SENP6: variants seen among roughly 807,000 people sequenced by gnomAD.
SENP6 encodes the protein SUMO specific peptidase 6, also known as sentrin-specific protease 6.
Under a neutral mutation model 134.5 loss-of-function variants are expected in SENP6, and 41 were observed. That is an observed-to-expected ratio of 0.30 (90% CI 0.24 to 0.40). The LOEUF (loss-of-function observed/expected upper bound fraction) is 0.40, where lower values mean the gene tolerates loss of function less well. SENP6 is among the 10% of genes least tolerant of loss of function. The pLI, the probability that SENP6 is intolerant of heterozygous loss-of-function variation, is 1.00. For synonymous variants in SENP6, 395 were observed against 429.8 expected (o/e 0.92, Z 1.00); for missense variants, 1,248 against 1,312.5 (o/e 0.95, Z 0.76).
chr6:75,615,329 G>A (rs1475047000), intron 1 of SENP6, among the ~76,000 whole-genome samples: 6 of 151,900 alleles, frequency 3.9e-5, no homozygotes, highest in African/African-American at 4.8e-5. Context: ...ACAGGTGCGC[G>A]CCACCATGCC....
At chr6:75,646,820 AGCGAGACTCCGTCT>A (rs1770484195) in intron 6 of SENP6, 2 of 151,340 alleles carry the variant, frequency 1.3e-5, no homozygotes, top group Non-Finnish European at 2.9e-5. Flanking sequence ...TGGGCGACAG[AGCGAGACTCCGTCT>A]CAAAAAAAAA....
In SENP6 at chr6:75,698,968, G is replaced by T. The variant is rs1310974352; in HGVS notation, c.2288+1451G>T. On this transcript the variant is annotated intron_variant, in intron 18 of 23. Coordinates refer to ENST00000447266, the MANE Select transcript of SENP6 (RefSeq NM_015571.4). ...AGAGGTTGCAGTGAGCCAAGATCATGCCCCTGCACTCCAGCCTGGGCAGCA... is the reference window on the plus strand; with the variant it reads ...AGAGGTTGCAGTGAGCCAAGATCATTCCCCTGCACTCCAGCCTGGGCAGCA... Among the ~76,000 whole-genome samples the T allele has an allele frequency of 2.7e-5, 4 of 150,162 alleles. No individual in the cohort carries two copies. In the South Asian group the frequency reaches 8.4e-4, roughly 32 times the overall value.
chr6:75,672,023 T>G (rs1450010551), intron 11 of SENP6, among the ~76,000 whole-genome samples: 1 of 152,232 alleles, frequency 6.6e-6, no homozygotes. Flanking sequence ...AAATTATATA[T>G]AAATTGTCTA....
chr6:75,642,812 A>C (rs1229728074), intron 6 of SENP6, among the ~76,000 whole-genome samples: 1 of 152,218 alleles, frequency 6.6e-6, no homozygotes, highest in Admixed American at 6.5e-5. Flanking sequence ...AGGCTGGGCA[A>C]GTTCCTCTCT....
chr6:75,709,652 A>G, intron 20 of SENP6, 22 bp downstream of exon 20: 2 of 1,557,796 alleles, frequency 1.3e-6, no homozygotes, highest in East Asian at 4.5e-5. Context: ...TGCTTGGCAA[A>G]AAGTTCTAAT....
intron 16 of SENP6, chr6:75,679,557 T>C (rs917858845): frequency 1.3e-5 from 2 of 152,294 alleles, no homozygotes; most frequent in Non-Finnish European, 2.9e-5. Flanking sequence ...ATTAACATGG[T>C]ACAGTCCTAG....
At chr6:75,643,278 C>T (rs951748306) in intron 6 of SENP6, among the ~76,000 whole-genome samples, 1 of 152,032 alleles carries the variant, frequency 6.6e-6, no homozygotes, top group East Asian at 1.9e-4. Context: ...AAAAGACATG[C>T]TGATTTGATT....
intron 1 of SENP6, among the ~76,000 whole-genome samples, chr6:75,616,487 G>A (rs1051789955): frequency 5.3e-5 from 8 of 152,108 alleles, no homozygotes; most frequent in African/African-American, 1.7e-4. Context: ...GGTGGCACAC[G>A]CCTGTAATCC....
At chr6:75,674,898 C>T (rs1168335184) in intron 11 of SENP6, among the ~76,000 whole-genome samples, 1 of 151,962 alleles carries the variant, frequency 6.6e-6, no homozygotes, top group Admixed American at 6.6e-5. Flanking sequence ...TCTATTCATC[C>T]CTGTATATAT....
chr6:75,684,105 T>A (rs1379242031), intron 16 of SENP6, among the ~76,000 whole-genome samples: 1 of 152,206 alleles, frequency 6.6e-6, no homozygotes, highest in East Asian at 1.9e-4. Context: ...CTTGAAGAGG[T>A]CCTTCACATC....
chr6:75,619,484 C>T (rs1167750324), intron 1 of SENP6, among the ~76,000 whole-genome samples: 5 of 150,022 alleles, frequency 3.3e-5, no homozygotes, highest in Admixed American at 1.3e-4. Flanking sequence ...TACATATGTA[C>T]ACACATACTG....
intron 4 of SENP6, 44 bp downstream of exon 4, chr6:75,633,770 A>G (rs749793803): frequency 7.8e-6 from 12 of 1,531,330 alleles, no homozygotes; most frequent in African/African-American, 1.4e-5. Flanking sequence ...AGATAAAGGA[A>G]GAGTTTGACA....
At position 75,666,731 on chromosome 6, in the gene SENP6, T is replaced by C; in HGVS notation, c.1014T>C (p.Asp338=). 1 of 1,567,482 alleles carries C rather than the reference T, an allele frequency of 6.4e-7. No homozygotes were observed. The highest frequency in any genetic ancestry group is 8.7e-7 in the Non-Finnish European group (1 of 1,149,526). The change falls in exon 10 of 24, where the codon GAT becomes GAC. Residue 338 remains aspartate (D), a synonymous_variant. Coordinates refer to ENST00000447266, the MANE Select transcript of SENP6 (RefSeq NM_015571.4). ...TTTTAGTCATTTTGTCCAGTGATGA[T>C]GATGATGACAACGACAGAACTAACA... ...LNDPIILSSD[D]DDDNDRTNRR...
At chr6:75,658,661 T>C (rs1323449216) in intron 7 of SENP6, among the ~76,000 whole-genome samples, 1 of 152,056 alleles carries the variant, frequency 6.6e-6, no homozygotes, top group East Asian at 1.9e-4. Flanking sequence ...GTTAGAAAAT[T>C]AGCTTGTGGC....
At chr6:75,653,740 A>T (rs749380947) in intron 7 of SENP6, among the ~76,000 whole-genome samples, 4 of 151,852 alleles carry the variant, frequency 2.6e-5, no homozygotes, top group Admixed American at 6.6e-5. Flanking sequence ...TATGATTATT[A>T]ATTCAAGCTG....
chr6:75,689,567 G>T (rs906661497), intron 16 of SENP6, among the ~76,000 whole-genome samples: 1 of 152,140 alleles, frequency 6.6e-6, no homozygotes, highest in African/African-American at 2.4e-5. Flanking sequence ...TCCCACTTCT[G>T]GGTATACAGT....
chr6:75,625,405 G>A (rs896389175), intron 3 of SENP6, among the ~76,000 whole-genome samples: 5 of 152,058 alleles, frequency 3.3e-5, no homozygotes, highest in Middle Eastern at 6.8e-3. Context: ...GTGAGCCACC[G>A]TGCCTGGCCA....
intron 20 of SENP6, 138 bp downstream of exon 20, chr6:75,709,768 G>T: frequency 2.0e-6 from 1 of 499,976 alleles, no homozygotes; most frequent in Admixed American, 3.3e-5. Context: ...CTAGGAGTTT[G>T]AGTTCAGCCT....
At chr6:75,657,011 T>C (rs1582785009) in intron 7 of SENP6, among the ~76,000 whole-genome samples, 1 of 152,158 alleles carries the variant, frequency 6.6e-6, no homozygotes, top group East Asian at 1.9e-4. Context: ...AATGATATTG[T>C]TTTTTTAAAT....
Sources: allele counts gnomAD v4.1 joint callset (sites outside exome capture counted in the v4.1 genomes callset), GRCh38; gene constraint gnomAD v4.1.1; transcripts MANE v1.5; gene names NCBI Gene and HGNC (gene_info 2026-07-23, HGNC 2026-07-21).